Variants in EFCAB6 observed in about 807,000 individuals in gnomAD.
EFCAB6 encodes EF-hand calcium binding domain 6, also known as EF-hand calcium-binding domain-containing protein 6.
Under a neutral mutation model 169.8 loss-of-function variants are expected in EFCAB6, and 156 were observed. That is an observed-to-expected ratio of 0.92 (90% confidence interval 0.81 to 1.05). EFCAB6 has a LOEUF of 1.05. EFCAB6 is among the 50% of genes least tolerant of loss of function. The probability of loss-of-function intolerance (pLI) is 0.00; values close to 1 mark genes in which losing one functional copy is unlikely to be tolerated. For missense variants in EFCAB6, 1,800 were observed against 1,829.1 expected, an observed-to-expected ratio of 0.98 and a Z score of 0.29; for synonymous variants, 698 against 676.4, an observed-to-expected ratio of 1.03 and a Z score of -0.50.
chr22:43,674,351 C>T (rs568367968), intron 13 of EFCAB6, among the ~76,000 whole-genome samples: 4 of 152,306 alleles, frequency 2.6e-5, no homozygotes, highest in Non-Finnish European at 2.9e-5. Context: ...GCAGTGATAA[C>T]AGAAAGGTCT....
chr22:43,600,786 C>A (rs2147529595), intron 22 of EFCAB6, among the ~76,000 whole-genome samples: 1 of 152,270 alleles, frequency 6.6e-6, no homozygotes, highest in South Asian at 2.1e-4. Flanking sequence ...GCCTCAGCCT[C>A]CCGAGTAGCT....
intron 8 of EFCAB6, among the ~76,000 whole-genome samples, chr22:43,718,307 T>C (rs1381443903): frequency 1.3e-5 from 2 of 152,254 alleles, no homozygotes; most frequent in African/African-American, 4.8e-5. Flanking sequence ...ACAAATGGTT[T>C]CCCAGATTTA....
chr22:43,607,038 C>G (rs868362809), intron 22 of EFCAB6, among the ~76,000 whole-genome samples: 15 of 152,284 alleles, frequency 9.9e-5, no homozygotes, highest in African/African-American at 3.6e-4. Context: ...TGAACTGACT[C>G]ACCTTCCTAA....
rs1221967777 is a variant in EFCAB6 at position 43,591,094 on chromosome 22, GTTGTTTT to G, written c.2877-872_2877-866del. ...AAGACCCCCTGGGTTTGTTGTTGTT[GTTGTTTT>G]TTGTTTTTTGTTTTTTTTTTTTGTT... On this transcript the variant is annotated intron_variant, in intron 23 of 31. Coordinates refer to ENST00000262726, the MANE Select transcript of EFCAB6 (RefSeq NM_022785.4). Among the ~76,000 whole-genome samples, 81 of 129,524 alleles carry G rather than the reference GTTGTTTT, an allele frequency of 6.3e-4. No homozygotes were observed. The South Asian group carries it at 6.7e-3, about 11-fold the overall frequency. 85.0% of individuals were successfully genotyped at this position (129,524 alleles called of 152,430 possible).
intron 18 of EFCAB6, among the ~76,000 whole-genome samples, 193 bp from the exon 19 acceptor site, chr22:43,632,431 C>G (rs777216827): frequency 6.6e-6 from 1 of 151,688 alleles, no homozygotes; most frequent in Non-Finnish European, 1.5e-5. Context: ...TCCTGAGTAG[C>G]TGGGATTATA....
chr22:43,687,464 T>TTTTAA lies in EFCAB6; in HGVS notation c.1142+6_1142+7insTTAAA. Reference sequence around the variant, plus strand: ...TAAAATTTGTTTTTTTTTTTTTTTTTACATACCTATTTCTTTTTGTCAGGG... The same window carrying TTTTAA: ...TAAAATTTGTTTTTTTTTTTTTTTTTTTTAAACATACCTATTTCTTTTTGTCAGGG... On this transcript the variant is annotated splice_region_variant and intron_variant, in intron 11 of 31. Transcript: ENST00000262726. The TTTTAA allele has an allele frequency of 2.8e-6, 4 of 1,422,216 alleles. No homozygotes were observed. The highest frequency in any genetic ancestry group is 3.8e-6 in the Non-Finnish European group (4 of 1,046,322). The allele number at this position is 1,422,216 out of a possible 1,614,324, so 88.1% of individuals were successfully genotyped here. A position where few individuals can be genotyped will look rare whatever the true frequency, so the allele number is the denominator to read the frequency against.
At chr22:43,701,727 T>TAAAAAAAAAA (rs60568189) in intron 10 of EFCAB6, among the ~76,000 whole-genome samples, 3 of 97,430 alleles carry the variant, frequency 3.1e-5, no homozygotes, top group Non-Finnish European at 2.1e-5. Flanking sequence ...TTTTAAACAA[T>TAAAAAAAAAA]AAAAAAAAAA....
intron 20 of EFCAB6, among the ~76,000 whole-genome samples, chr22:43,623,216 T>C (rs138894306): frequency 6.6e-6 from 1 of 152,208 alleles, no homozygotes; most frequent in Admixed American, 6.5e-5. Context: ...CATGCAGTAT[T>C]TGGTGATGGA....
intron 5 of EFCAB6, among the ~76,000 whole-genome samples, chr22:43,764,062 T>G (rs980835642): frequency 6.6e-6 from 1 of 151,502 alleles, no homozygotes; most frequent in African/African-American, 2.4e-5. Flanking sequence ...ACGCCCAGCC[T>G]CAAGTTTTAT....
chr22:43,775,500 T>C (rs1569482972), intron 3 of EFCAB6, among the ~76,000 whole-genome samples: 1 of 152,132 alleles, frequency 6.6e-6, no homozygotes, highest in Non-Finnish European at 1.5e-5. Context: ...TGGAGTTCAG[T>C]GGCACAATCT....
intron 10 of EFCAB6, among the ~76,000 whole-genome samples, chr22:43,708,947 C>T (rs1412859351): frequency 6.6e-6 from 1 of 152,174 alleles, no homozygotes; most frequent in African/African-American, 2.4e-5. Flanking sequence ...CCCTAGGTCC[C>T]TCGCTAGAAC....
At chr22:43,565,261 C>T (rs2049350092) in intron 26 of EFCAB6, among the ~76,000 whole-genome samples, 1 of 152,212 alleles carries the variant, frequency 6.6e-6, no homozygotes, top group Non-Finnish European at 1.5e-5. Context: ...GCAGAGTCAT[C>T]CTAGCGAAGA....
intron 6 of EFCAB6, among the ~76,000 whole-genome samples, chr22:43,745,295 C>T (rs920963171): frequency 3.9e-5 from 6 of 152,216 alleles, no homozygotes; most frequent in Non-Finnish European, 8.8e-5. Flanking sequence ...CCAGAATTCC[C>T]ACTCCGCCTG....
chr22:43,550,610 T>TG (rs2048324229), intron 27 of EFCAB6, among the ~76,000 whole-genome samples: 1 of 150,552 alleles, frequency 6.6e-6, no homozygotes, highest in Admixed American at 6.6e-5. Context: ...AGGCAGAGGT[T>TG]GCAGTGAGTC....
rs755572107 is a variant in EFCAB6, at chr22:43,773,059, G to A, written c.184C>T (p.Arg62Trp). The change falls in exon 4 of 32, where the codon CGG (arginine) becomes TGG (tryptophan). Residue 62 changes from arginine (R) to tryptophan (W), a missense_variant. Transcript: ENST00000262726. ...TCGGTAATTTTTTGAAATAAAATCC[G>A]TTTAACATCTAAGGAGGACAGTGTT... ...NPTLSSLDVK[R>W]ILFQKITDRG... 69 of 1,614,156 alleles carry A rather than the reference G, an allele frequency of 4.3e-5. No homozygotes were observed. The highest frequency in any genetic ancestry group is 1.6e-4 in the East Asian group (7 of 44,888).
At chr22:43,631,415 C>T (rs541581344) in intron 19 of EFCAB6, among the ~76,000 whole-genome samples, 12 of 152,100 alleles carry the variant, frequency 7.9e-5, no homozygotes, top group African/African-American at 2.7e-4. Flanking sequence ...ACCTCCACCA[C>T]GACAAGCCAC....
chr22:43,665,796 C>G (rs1455858948), intron 17 of EFCAB6, among the ~76,000 whole-genome samples: 2 of 152,194 alleles, frequency 1.3e-5, no homozygotes, highest in East Asian at 3.9e-4. Flanking sequence ...TCCCTTCTTT[C>G]TTTCTTTTTG....
intron 2 of EFCAB6, among the ~76,000 whole-genome samples, chr22:43,790,702 T>C (rs1335315228): frequency 6.6e-6 from 1 of 152,198 alleles, no homozygotes; most frequent in Non-Finnish European, 1.5e-5. Context: ...TGATCTGGCC[T>C]CTGGGTTAAA....
chr22:43,670,942 G>T (rs1266976273), intron 15 of EFCAB6, among the ~76,000 whole-genome samples: 1 of 152,210 alleles, frequency 6.6e-6, no homozygotes, highest in African/African-American at 2.4e-5. Flanking sequence ...AGGTAGTAAG[G>T]CTTTGTGTAT....
Sources: allele counts gnomAD v4.1 joint callset (sites outside exome capture counted in the v4.1 genomes callset), GRCh38; gene constraint gnomAD v4.1.1; transcripts MANE v1.5; gene names NCBI Gene and HGNC (gene_info 2026-07-23, HGNC 2026-07-21).